Variants in TXNDC16 observed in about 807,000 individuals in gnomAD.
The protein encoded by TXNDC16 is thioredoxin domain-containing protein 16.
TXNDC16 carries 74 observed loss-of-function variants against 85.6 expected under a neutral mutation model. That is an observed-to-expected ratio of 0.86 (90% CI 0.72 to 1.05). TXNDC16 has a LOEUF of 1.05. Ranked by LOEUF, TXNDC16 falls within the 50% of genes least tolerant of loss-of-function variation. The pLI is 0.00. For synonymous variants in TXNDC16, 335 were observed against 326.5 expected, an observed-to-expected ratio of 1.03 and a Z score of -0.28; for missense variants, 959 against 947.0, an observed-to-expected ratio of 1.01 and a Z score of -0.17.
chr14:52,448,720 A>G (rs2035340190), intron 18 of TXNDC16, among the ~76,000 whole-genome samples: 1 of 152,170 alleles, frequency 6.6e-6, no homozygotes, highest in African/African-American at 2.4e-5. Context: ...TAATAACCAC[A>G]ACAATTTTTC....
intron 14 of TXNDC16, among the ~76,000 whole-genome samples, chr14:52,479,407 G>A (rs577341056): frequency 2.6e-4 from 39 of 152,172 alleles, no homozygotes; most frequent in African/African-American, 9.1e-4. Context: ...TGTTTATCTA[G>A]AAAACCCTAA....
intron 9 of TXNDC16, among the ~76,000 whole-genome samples, chr14:52,507,262 C>A (rs998858168): frequency 6.6e-6 from 1 of 152,146 alleles, no homozygotes; most frequent in Non-Finnish European, 1.5e-5. Flanking sequence ...TATTCTTATA[C>A]ACCAAGGACA....
At chr14:52,446,380 T>G (rs1245970012) in intron 18 of TXNDC16, among the ~76,000 whole-genome samples, 1 of 152,112 alleles carries the variant, frequency 6.6e-6, no homozygotes, top group Admixed American at 6.6e-5. Context: ...ATTTAAACCA[T>G]CTCTAGCCAG....
chr14:52,524,595 T>C (rs1240040926), intron 6 of TXNDC16, among the ~76,000 whole-genome samples: 1 of 152,134 alleles, frequency 6.6e-6, no homozygotes, highest in Non-Finnish European at 1.5e-5. Context: ...CTAAAGCCAT[T>C]ATCCTGTCTC....
chr14:52,449,216 A>C (rs554519469), intron 18 of TXNDC16, among the ~76,000 whole-genome samples: 2 of 152,196 alleles, frequency 1.3e-5, no homozygotes, highest in East Asian at 3.9e-4. Context: ...CACTTCACCT[A>C]TAATGATATA....
chr14:52,467,087 G>C (rs542528707), intron 16 of TXNDC16, among the ~76,000 whole-genome samples: 2 of 151,828 alleles, frequency 1.3e-5, no homozygotes, highest in African/African-American at 4.8e-5. Flanking sequence ...AATAGGTAAA[G>C]TGAATAAAAT....
chr14:52,500,722 A>AT (rs1247882531), intron 9 of TXNDC16, among the ~76,000 whole-genome samples: 1 of 152,244 alleles, frequency 6.6e-6, no homozygotes, highest in Non-Finnish European at 1.5e-5. Flanking sequence ...TGAATAAATC[A>AT]TAACAGCATC....
At chr14:52,461,051 A>C (rs1391694066) in intron 16 of TXNDC16, among the ~76,000 whole-genome samples, 1 of 151,422 alleles carries the variant, frequency 6.6e-6, no homozygotes, top group African/African-American at 2.4e-5. Context: ...AGTTTTATCT[A>C]TATCTTTTAG....
chr14:52,543,678 A>G, intron 2 of TXNDC16, 48 bp from the exon 3 acceptor site: 6 of 1,096,422 alleles, frequency 5.5e-6, no homozygotes, highest in Non-Finnish European at 7.8e-6. Flanking sequence ...TGAATTTGTT[A>G]AATGAATGAA....
chr14:52,500,022 C>A (rs2036620723), intron 9 of TXNDC16, among the ~76,000 whole-genome samples: 1 of 151,846 alleles, frequency 6.6e-6, no homozygotes, highest in Non-Finnish European at 1.5e-5. Flanking sequence ...TCCAAGGATG[C>A]AGAATCCACA....
At chr14:52,467,644 T>C (rs542410042) in intron 16 of TXNDC16, among the ~76,000 whole-genome samples, 1 of 152,280 alleles carries the variant, frequency 6.6e-6, no homozygotes, top group African/African-American at 2.4e-5. Context: ...TGTACACTGT[T>C]GGTAGGAATG....
Position 52,459,093 on chromosome 14 carries a change from A to G in TXNDC16, c.1619-1919T>C, listed in dbSNP as rs2035597386. Among the ~76,000 whole-genome samples the G allele has an allele frequency of 3.3e-5, 5 of 152,250 alleles. No homozygotes were observed. In the South Asian group the frequency reaches 1.0e-3, roughly 32 times the overall value. The stretch of plus-strand genomic sequence containing the variant: ...AATTATCTGAATAAAAATATGCACA[A>G]AAAGCTTTTCAGCTACTATAAATAT... On this transcript the variant is annotated intron_variant, in intron 16 of 20. Coordinates refer to ENST00000281741, the MANE Select transcript of TXNDC16 (RefSeq NM_020784.3).
chr14:52,503,231 G>A (rs2036704739), intron 9 of TXNDC16, among the ~76,000 whole-genome samples: 1 of 152,200 alleles, frequency 6.6e-6, no homozygotes, highest in South Asian at 2.1e-4. Flanking sequence ...AGAGAGCAGT[G>A]GTTCTCCCAG....
At chr14:52,529,600 A>G (rs1165038032) in intron 6 of TXNDC16, among the ~76,000 whole-genome samples, 6 of 103,386 alleles carry the variant, frequency 5.8e-5, no homozygotes, top group African/African-American at 2.6e-4. Flanking sequence ...TATTATATAT[A>G]TTATATATAA....
chr14:52,548,214 G>C (rs2037978408), intron 1 of TXNDC16, among the ~76,000 whole-genome samples: 1 of 152,210 alleles, frequency 6.6e-6, no homozygotes, highest in African/African-American at 2.4e-5. Flanking sequence ...AACGAATGTA[G>C]AAATGAAAAC....
intron 6 of TXNDC16, among the ~76,000 whole-genome samples, chr14:52,525,399 A>C (rs1285042847): frequency 6.6e-6 from 1 of 151,938 alleles, no homozygotes; most frequent in Non-Finnish European, 1.5e-5. Flanking sequence ...TCAATCAATA[A>C]AAATTAGTTG....
intron 9 of TXNDC16, among the ~76,000 whole-genome samples, chr14:52,506,977 G>A (rs1433872752): frequency 1.3e-5 from 2 of 151,854 alleles, no homozygotes; most frequent in African/African-American, 4.8e-5. Flanking sequence ...GGCAAAAACT[G>A]GAAGCATTCC....
intron 6 of TXNDC16, among the ~76,000 whole-genome samples, chr14:52,523,270 T>C (rs1490465294): frequency 6.6e-6 from 1 of 152,210 alleles, no homozygotes; most frequent in Non-Finnish European, 1.5e-5. Flanking sequence ...TTCTTTGGCA[T>C]GCTTTTCCTG....
intron 14 of TXNDC16, among the ~76,000 whole-genome samples, chr14:52,479,656 T>A (rs2036101480): frequency 6.6e-6 from 1 of 152,082 alleles, no homozygotes; most frequent in Admixed American, 6.6e-5. Context: ...AAAACACTGC[T>A]GAAAGAAATC....
Sources: allele counts gnomAD v4.1 joint callset (sites outside exome capture counted in the v4.1 genomes callset), GRCh38; gene constraint gnomAD v4.1.1; transcripts MANE v1.5; gene names NCBI Gene and HGNC (gene_info 2026-07-23, HGNC 2026-07-21).